DPYSL2: variants seen among roughly 807,000 people sequenced by gnomAD.
The protein encoded by DPYSL2 is dihydropyrimidinase-related protein 2.
DPYSL2 carries 13 observed loss-of-function variants against 69.9 expected under a neutral mutation model. The observed-to-expected ratio is 0.19, with a 90% confidence interval of 0.12 to 0.30. The LOEUF (loss-of-function observed/expected upper bound fraction) is 0.30, where lower values mean the gene tolerates loss of function less well. DPYSL2 is among the 10% of genes least tolerant of loss of function. The pLI, the probability that DPYSL2 is intolerant of heterozygous loss-of-function variation, is 1.00. For synonymous variants in DPYSL2, 326 were observed against 359.1 expected, an observed-to-expected ratio of 0.91 and a Z score of 1.04; for missense variants, 587 against 918.9, an observed-to-expected ratio of 0.64 and a Z score of 4.67.
At chr8:26,608,907 T>C (rs1477048763) in intron 3 of DPYSL2, among the ~76,000 whole-genome samples, 1 of 152,206 alleles carries the variant, frequency 6.6e-6, no homozygotes, top group Non-Finnish European at 1.5e-5. Context: ...GGTCTTTATT[T>C]GGAGGGGATG....
At chr8:26,584,097 C>T in intron 3 of DPYSL2, 114 bp downstream of exon 3, 4 of 1,041,172 alleles carry the variant, frequency 3.8e-6, no homozygotes. Context: ...ACAGTTCAAT[C>T]TACCAAATAA....
Position 26,535,631 on chromosome 8 carries a change from A to ATTT in DPYSL2, c.354+20953_354+20954insTTT, listed in dbSNP as rs1406854218. ...AAAACAGACTGATATATATATATATATATATTTTTTTTTTCAGTGTAGGGA... is the reference window on the plus strand; with the variant it reads ...AAAACAGACTGATATATATATATATATTTTATATTTTTTTTTTCAGTGTAGGGA... On this transcript the variant is annotated intron_variant, in intron 1 of 13. Transcript: ENST00000521913. Among the ~76,000 whole-genome samples, 474 of 149,770 alleles carry ATTT rather than the reference A, an allele frequency of 3.2e-3. 1 individual carries two copies. The highest frequency in any genetic ancestry group is 0.011 in the African/African-American group (423 of 40,078).
rs1802445165 is a variant in DPYSL2 at position 26,620,019 on chromosome 8, G to A, written c.629-4124G>A. 6.6e-6 allele frequency: 1 copy of A among 152,422 alleles called. No individual in the cohort carries two copies. Among genetic ancestry groups the A allele is most frequent in the South Asian group, 2.1e-4 (1 of 4,832 alleles). 9.4% of individuals were successfully genotyped at this position (152,422 alleles called of 1,614,324 possible). On this transcript the variant is annotated intron_variant, in intron 3 of 13. Transcript: ENST00000521913. This position sits in a 1 kb window ranked among gnomAD's most constrained non-coding sequence, Gnocchi z 4.5. ...CTGTCACCCTCCCCACTTTGTCTAAGGGTGAGTGGAACAGACAGAAAGTAG... is the reference window on the plus strand; with the variant it reads ...CTGTCACCCTCCCCACTTTGTCTAAAGGTGAGTGGAACAGACAGAAAGTAG...
chr8:26,528,418 G>A (rs919724470), intron 1 of DPYSL2, among the ~76,000 whole-genome samples: 2 of 152,096 alleles, frequency 1.3e-5, no homozygotes, highest in Admixed American at 6.5e-5. Context: ...GGAGGCTGAG[G>A]CGGGTGGATC....
chr8:26,625,701 T>G (rs768006955), intron 4 of DPYSL2, among the ~76,000 whole-genome samples: 90 of 152,360 alleles, frequency 5.9e-4, no homozygotes, highest in Middle Eastern at 3.4e-3. Flanking sequence ...GAAGGCAGTC[T>G]GTCTGCCAAA....
At chr8:26,618,546 T>C (rs1413682079) in intron 3 of DPYSL2, among the ~76,000 whole-genome samples, 1 of 144,928 alleles carries the variant, frequency 6.9e-6, no homozygotes, top group Non-Finnish European at 1.5e-5. Flanking sequence ...CTTGAACTCC[T>C]GGCCTGAAGC....
chr8:26,627,387 A>G lies in DPYSL2; in HGVS notation c.936+92A>G. The G allele has an allele frequency of 4.4e-6, 6 of 1,357,576 alleles. No individual in the cohort carries two copies. Among genetic ancestry groups the G allele is most frequent in the Non-Finnish European group, 6.3e-6 (6 of 956,164 alleles). 84.1% of individuals were successfully genotyped at this position (1,357,576 alleles called of 1,614,324 possible). A position where few individuals can be genotyped will look rare whatever the true frequency, so the allele number is the denominator to read the frequency against. On this transcript the variant is annotated intron_variant, in intron 6 of 13. Coordinates refer to ENST00000521913, the MANE Select transcript of DPYSL2 (RefSeq NM_001197293.3). This position sits in a 1 kb window ranked among gnomAD's most constrained non-coding sequence, Gnocchi z 6.9. ...AAGCTGCATCTGTAGCTTAACACCA[A>G]GGTGGAAAAGCAGAGGGACCTGGTG...
At position 26,535,637 on chromosome 8, in the gene DPYSL2, T is replaced by TATA. The variant is rs199796205; in HGVS notation, c.354+20958_354+20959insATA. On this transcript the variant is annotated intron_variant, in intron 1 of 13. Coordinates refer to ENST00000521913, the MANE Select transcript of DPYSL2 (RefSeq NM_001197293.3). ...GACTGATATATATATATATATATAT[T>TATA]TTTTTTTTCAGTGTAGGGAGCATGT... Among the ~76,000 whole-genome samples the TATA allele has an allele frequency of 2.3e-3, 338 of 144,182 alleles. 2 individuals carry two copies. Among genetic ancestry groups the TATA allele is most frequent in the Admixed American group, 3.4e-3 (49 of 14,498 alleles). 94.6% of individuals were successfully genotyped at this position (144,182 alleles called of 152,430 possible).
rs1801603112 is a variant in DPYSL2 at position 26,586,385 on chromosome 8, G to C, written c.628+2402G>C. 6.6e-6 allele frequency among the ~76,000 whole-genome samples: 1 copy of C among 152,152 alleles called. No individual in the cohort carries two copies. On this transcript the variant is annotated intron_variant, in intron 3 of 13. Coordinates refer to ENST00000521913, the MANE Select transcript of DPYSL2 (RefSeq NM_001197293.3). The surrounding 1 kb of genome is among the most constrained non-coding windows in gnomAD (Gnocchi z 4.7). Reference sequence around the variant, plus strand: ...TCAGAGAGATTTTGCCTCTCATCAAGTACATGTTGCTCAGCAGATACAGAA... The same window carrying C: ...TCAGAGAGATTTTGCCTCTCATCAACTACATGTTGCTCAGCAGATACAGAA...
intron 1 of DPYSL2, among the ~76,000 whole-genome samples, chr8:26,549,693 T>G (rs1439296141): frequency 6.6e-6 from 1 of 152,120 alleles, no homozygotes; most frequent in Non-Finnish European, 1.5e-5. Flanking sequence ...ACTTTATATA[T>G]AGAGGAGCAA....
chr8:26,560,695 C>T lies in DPYSL2; in HGVS notation c.355-21274C>T, dbSNP rs1356944541. Among the ~76,000 whole-genome samples the T allele has an allele frequency of 6.6e-6, 1 of 152,188 alleles. No individual in the cohort carries two copies. Among genetic ancestry groups the T allele is most frequent in the Non-Finnish European group, 1.5e-5 (1 of 68,044 alleles). On this transcript the variant is annotated intron_variant, in intron 1 of 13. Transcript: ENST00000521913. This position sits in a 1 kb window ranked among gnomAD's most constrained non-coding sequence, Gnocchi z 4.4. ...ACAGTAAGCAGCCATCATTTTTGGGCAGAGGGAGATATCCTACTGGTATTT... is the reference window on the plus strand; with the variant it reads ...ACAGTAAGCAGCCATCATTTTTGGGTAGAGGGAGATATCCTACTGGTATTT...
intron 8 of DPYSL2, among the ~76,000 whole-genome samples, chr8:26,639,082 A>ATC (rs1364297162): frequency 5.9e-5 from 9 of 152,204 alleles, no homozygotes; most frequent in Non-Finnish European, 5.9e-5. Context: ...TCAATTTGAG[A>ATC]TAAGACCTCT....
At chr8:26,602,577 C>T (rs914672698) in intron 3 of DPYSL2, among the ~76,000 whole-genome samples, 12 of 152,202 alleles carry the variant, frequency 7.9e-5, no homozygotes, top group Admixed American at 4.6e-4. Context: ...TTTGTTTAAA[C>T]AAAGTGAATT....
At chr8:26,563,788 G>GT (rs1487178086) in intron 1 of DPYSL2, among the ~76,000 whole-genome samples, 6 of 152,148 alleles carry the variant, frequency 3.9e-5, no homozygotes, top group African/African-American at 1.4e-4. Context: ...GGTGTTGTAG[G>GT]TTTTTTTACT....
intron 1 of DPYSL2, among the ~76,000 whole-genome samples, chr8:26,518,699 GT>G (rs1563372115): frequency 2.0e-5 from 3 of 152,196 alleles, no homozygotes; most frequent in African/African-American, 7.2e-5. Context: ...AAATGACACC[GT>G]TTATGTTCTT....
intron 7 of DPYSL2, among the ~76,000 whole-genome samples, chr8:26,632,351 G>A (rs1802797786): frequency 6.6e-6 from 1 of 152,228 alleles, no homozygotes; most frequent in African/African-American, 2.4e-5. Flanking sequence ...GAAAGTGAGT[G>A]TAGAGATAGA....
intron 7 of DPYSL2, among the ~76,000 whole-genome samples, chr8:26,629,315 C>A (rs1435624308): frequency 6.6e-6 from 1 of 151,588 alleles, no homozygotes; most frequent in East Asian, 1.9e-4. Context: ...CACCTACACA[C>A]ACACACATAC....
At chr8:26,572,882 A>T (rs574549554) in intron 1 of DPYSL2, among the ~76,000 whole-genome samples, 131 of 152,284 alleles carry the variant, frequency 8.6e-4, no homozygotes, top group African/African-American at 3.0e-3. Context: ...TCACCTAGTT[A>T]TGGTGTCGGT....
At chr8:26,563,464 C>T (rs947713707) in intron 1 of DPYSL2, among the ~76,000 whole-genome samples, 3 of 152,244 alleles carry the variant, frequency 2.0e-5, no homozygotes, top group Admixed American at 1.3e-4. Context: ...CTGAACTTAG[C>T]TCCCAGACAC....
Sources: gnomAD v4.1 joint callset for allele counts (sites outside exome capture counted in the v4.1 genomes callset) on GRCh38, gnomAD v4.1.1 for gene constraint, Gnocchi (gnomAD v3.1) non-coding constraint, MANE v1.5 for transcripts, NCBI Gene and HGNC (gene_info 2026-07-23, HGNC 2026-07-21) for gene names.